Variants in ASS1 observed in about 807,000 individuals in gnomAD.
ASS1 encodes argininosuccinate synthase.
A neutral mutation model predicts 60.5 loss-of-function variants in ASS1; 58 were observed. The ratio of observed to expected loss-of-function variants is 0.96; its 90% confidence interval spans 0.78 to 1.19. The LOEUF is 1.19. Ranked by LOEUF, ASS1 falls within the 50% of genes most tolerant of loss-of-function variation. The probability of loss-of-function intolerance (pLI) is 0.00; values close to 1 mark genes in which losing one functional copy is unlikely to be tolerated. For synonymous variants in ASS1, 200 were observed against 206.9 expected, an observed-to-expected ratio of 0.97 and a Z score of 0.29; for missense variants, 454 against 547.3, an observed-to-expected ratio of 0.83 and a Z score of 1.70.
At chr9:130,486,723 C>T (rs1224383651) in intron 11 of ASS1, among the ~76,000 whole-genome samples, 1 of 152,212 alleles carries the variant, frequency 6.6e-6, no homozygotes, top group Non-Finnish European at 1.5e-5. Context: ...TCACAGCACA[C>T]GATACTCATA....
In ASS1 at chr9:130,458,576, G is replaced by T. The variant is rs745404241; in HGVS notation, c.350G>T (p.Gly117Val). ...QREGAKYVSH[G>V]ATGKGNDQVR... ...GAGGGGGCCAAGTATGTGTCCCACG[G>T]CGCCACAGGAAAGGTGAGGCACCTG... Residue 117 changes from glycine (G) to valine (V), a missense_variant, in exon 4 of 15, where the codon GGC becomes GTC. Coordinates refer to ENST00000352480, the MANE Select transcript of ASS1 (RefSeq NM_054012.4). 6.2e-7 allele frequency: 1 copy of T among 1,612,802 alleles called. No homozygotes were observed. Among genetic ancestry groups the T allele is most frequent in the Non-Finnish European group, 8.5e-7 (1 of 1,179,806 alleles).
Position 130,465,886 on chromosome 9 carries a change from G to A in ASS1, c.421-839G>A, listed in dbSNP as rs112480183. 9.2e-5 allele frequency among the ~76,000 whole-genome samples: 14 copies of A among 152,354 alleles called. 1 individual carries two copies. The highest frequency in any genetic ancestry group is 3.1e-4 in the African/African-American group (13 of 41,584). ...GGGCCCTCCCTCGGTTCCCACAGCA[G>A]CTTGTGGGGCCAGGGTGTCCAGTTT... On this transcript the variant is annotated intron_variant, in intron 5 of 14. Transcript: ENST00000352480.
chr9:130,453,612 G>A (rs1462238238), intron 2 of ASS1, among the ~76,000 whole-genome samples: 3 of 152,194 alleles, frequency 2.0e-5, no homozygotes, highest in Non-Finnish European at 4.4e-5. Flanking sequence ...ACCACCTGGG[G>A]GATTTAAAAG....
rs1449843365 is a variant in ASS1, at chr9:130,478,016, A to G, written c.688+1055A>G. ...TGTGACCTTGACAGCCAGCTTCACCATGCTGGGCCTTGGGTGCACTCATCA... is the reference window on the plus strand; with the variant it reads ...TGTGACCTTGACAGCCAGCTTCACCGTGCTGGGCCTTGGGTGCACTCATCA... On this transcript the variant is annotated intron_variant, in intron 9 of 14. Coordinates refer to ENST00000352480, the MANE Select transcript of ASS1 (RefSeq NM_054012.4). The surrounding 1 kb of genome is among the most constrained non-coding windows in gnomAD (Gnocchi z 4.7). Among the ~76,000 whole-genome samples, 4 of 152,126 alleles carry G rather than the reference A, an allele frequency of 2.6e-5. No homozygotes were observed. Among genetic ancestry groups the G allele is most frequent in the Non-Finnish European group, 5.9e-5 (4 of 68,016 alleles).
At chr9:130,498,428 C>T (rs926819162) in intron 13 of ASS1, among the ~76,000 whole-genome samples, 3 of 152,210 alleles carry the variant, frequency 2.0e-5, no homozygotes, top group Admixed American at 6.5e-5. Context: ...AAGTGCTTAG[C>T]ACAACCATAA....
Position 130,465,052 on chromosome 9 carries a change from ATATATT to A in ASS1, c.420+887_420+892del, listed in dbSNP as rs1289298262. On this transcript the variant is annotated intron_variant, in intron 5 of 14. Transcript: ENST00000352480. ...ATATGTTTTATATATATATATATAT[ATATATT>A]TTTTTTTTTTCTTTTTCTGGAGACT... 3.6e-3 allele frequency among the ~76,000 whole-genome samples: 257 copies of A among 70,582 alleles called. 1 individual carries two copies. The highest frequency in any genetic ancestry group is 0.016 in the African/African-American group (233 of 14,374). The allele number at this position is 70,582 out of a possible 152,430, so 46.3% of individuals were successfully genotyped here. A position where few individuals can be genotyped will look rare whatever the true frequency, so the allele number is the denominator to read the frequency against.
intron 13 of ASS1, among the ~76,000 whole-genome samples, chr9:130,498,809 G>C (rs556822296): frequency 6.6e-6 from 1 of 152,194 alleles, no homozygotes; most frequent in Admixed American, 6.5e-5. Context: ...GGTTAGGAAG[G>C]TTGGGAGGAG....
chr9:130,468,863 A>G (rs1055587286), intron 6 of ASS1, among the ~76,000 whole-genome samples: 1 of 152,174 alleles, frequency 6.6e-6, no homozygotes, highest in Admixed American at 6.5e-5. Context: ...CGTTGTCTAC[A>G]TGTTGGAGAT....
chr9:130,476,736 C>A lies in ASS1; in HGVS notation c.598-135C>A, dbSNP rs1009195123. 1.2e-6 allele frequency: 1 copy of A among 854,012 alleles called. No homozygotes were observed. Among genetic ancestry groups the A allele is most frequent in the Non-Finnish European group, 2.0e-6 (1 of 496,610 alleles). 52.9% of individuals were successfully genotyped at this position (854,012 alleles called of 1,614,324 possible). A position where few individuals can be genotyped will look rare whatever the true frequency, so the allele number is the denominator to read the frequency against. On this transcript the variant is annotated intron_variant, in intron 8 of 14. Transcript: ENST00000352480. The surrounding 1 kb of genome is among the most constrained non-coding windows in gnomAD (Gnocchi z 4.9). ...TGGTGCTAGGCTGAGGGCTGGGGAC[C>A]GGGGGATCTGCCGGACCCCACCAGC...
chr9:130,453,581 G>A (rs566131062), intron 2 of ASS1, among the ~76,000 whole-genome samples: 4 of 152,326 alleles, frequency 2.6e-5, no homozygotes, highest in African/African-American at 7.2e-5. Flanking sequence ...AGCTGGAGCT[G>A]GGCGTATAGA....
intron 3 of ASS1, among the ~76,000 whole-genome samples, chr9:130,457,186 G>A (rs949668554): frequency 6.6e-6 from 1 of 152,136 alleles, no homozygotes; most frequent in Non-Finnish European, 1.5e-5. Flanking sequence ...GCATTCACTT[G>A]TTTTTTCGTT....
rs1386539859 is a variant in ASS1 at position 130,491,436 on chromosome 9, T to C, written c.970+1972T>C. Among the ~76,000 whole-genome samples the C allele has an allele frequency of 2.0e-5, 3 of 152,134 alleles. No individual in the cohort carries two copies. Among genetic ancestry groups the C allele is most frequent in the Admixed American group, 1.3e-4 (2 of 15,282 alleles). ...GAGCTGGGCACCTGATGGGGTATTATCTAATATTAGCTGCGCAGAGGTGAG... is the reference window on the plus strand; with the variant it reads ...GAGCTGGGCACCTGATGGGGTATTACCTAATATTAGCTGCGCAGAGGTGAG... On this transcript the variant is annotated intron_variant, in intron 12 of 14. Coordinates refer to ENST00000352480, the MANE Select transcript of ASS1 (RefSeq NM_054012.4). The surrounding 1 kb of genome is among the most constrained non-coding windows in gnomAD (Gnocchi z 5.3).
In ASS1 at chr9:130,470,175, A is replaced by G. The variant is rs1318267433; in HGVS notation, c.496-659A>G. On this transcript the variant is annotated intron_variant, in intron 6 of 14. Coordinates refer to ENST00000352480, the MANE Select transcript of ASS1 (RefSeq NM_054012.4). The surrounding 1 kb of genome is among the most constrained non-coding windows in gnomAD (Gnocchi z 4.3). Reference sequence around the variant, plus strand: ...TCCATGCGTGACCTGCAGCCCTCTTAGCCTGGGCCTCCTGGGCAGAGGTGG... The same window carrying G: ...TCCATGCGTGACCTGCAGCCCTCTTGGCCTGGGCCTCCTGGGCAGAGGTGG... Among the ~76,000 whole-genome samples the G allele has an allele frequency of 6.6e-6, 1 of 152,154 alleles. No individual in the cohort carries two copies. Among genetic ancestry groups the G allele is most frequent in the African/African-American group, 2.4e-5 (1 of 41,416 alleles).
At chr9:130,493,079 G>A (rs1846487982) in intron 12 of ASS1, among the ~76,000 whole-genome samples, 1 of 152,128 alleles carries the variant, frequency 6.6e-6, no homozygotes. Flanking sequence ...CAGAAAGATG[G>A]CCAAGCCCAG....
At chr9:130,464,194 G>A (rs778832736) in intron 5 of ASS1, 27 bp downstream of exon 5, 57 of 1,610,282 alleles carry the variant, frequency 3.5e-5, no homozygotes, top group Non-Finnish European at 4.1e-5. Context: ...CCCCTTAGCA[G>A]GGAGCACTAG....
chr9:130,462,534 G>A (rs903901133), intron 4 of ASS1, among the ~76,000 whole-genome samples: 4 of 152,162 alleles, frequency 2.6e-5, no homozygotes, highest in Non-Finnish European at 4.4e-5. Context: ...TGAACAGATG[G>A]GTGTCCGCAT....
intron 6 of ASS1, 65 bp downstream of exon 6, chr9:130,466,864 G>T (rs913476504): frequency 1.2e-5 from 19 of 1,561,730 alleles, no homozygotes; most frequent in Non-Finnish European, 1.1e-5. Flanking sequence ...GCACGTCCCT[G>T]CTGGGGGCTG....
chr9:130,482,921 C>G (rs936536276), intron 11 of ASS1, among the ~76,000 whole-genome samples: 1 of 152,222 alleles, frequency 6.6e-6, no homozygotes. Context: ...ATTCTGACGG[C>G]AAGAACTTGC....
chr9:130,490,158 TGCCTTG>T (rs1190755814), intron 12 of ASS1, among the ~76,000 whole-genome samples: 5 of 152,242 alleles, frequency 3.3e-5, no homozygotes, highest in African/African-American at 1.2e-4. Flanking sequence ...CGGGTTTCCA[TGCCTTG>T]GAATCCAGGC....
Sources: allele counts gnomAD v4.1 joint callset (sites outside exome capture counted in the v4.1 genomes callset), GRCh38; gene constraint gnomAD v4.1.1; non-coding constraint Gnocchi (gnomAD v3.1); transcripts MANE v1.5; gene names NCBI Gene and HGNC (gene_info 2026-07-23, HGNC 2026-07-21).